GOLPH3: variants seen among roughly 807,000 people sequenced by gnomAD.
GOLPH3 encodes the protein golgi phosphoprotein 3.
GOLPH3 carries 14 observed loss-of-function variants against 28.5 expected under a neutral mutation model. That is an observed-to-expected ratio of 0.49 (90% CI 0.32 to 0.77). GOLPH3 has a LOEUF of 0.77. GOLPH3 is among the 30% of genes least tolerant of loss of function. The pLI, the probability that GOLPH3 is intolerant of heterozygous loss-of-function variation, is 0.03. For missense variants in GOLPH3, 350 were observed against 393.7 expected (o/e 0.89, Z 0.94); for synonymous variants, 158 against 159.2 (o/e 0.99, Z 0.06).
intron 1 of GOLPH3, among the ~76,000 whole-genome samples, chr5:32,158,234 C>A (rs1746499664): frequency 6.6e-6 from 1 of 151,028 alleles, no homozygotes; most frequent in African/African-American, 2.4e-5. Context: ...TATTTCAAAA[C>A]CCCATTCTCC....
chr5:32,136,184 A>C (rs1745927587), intron 2 of GOLPH3, among the ~76,000 whole-genome samples: 1 of 152,084 alleles, frequency 6.6e-6, no homozygotes, highest in African/African-American at 2.4e-5. Flanking sequence ...AAGAGAAAAG[A>C]AAAGCAAGCT....
chr5:32,157,418 A>G (rs1746454381), intron 1 of GOLPH3, among the ~76,000 whole-genome samples: 1 of 152,090 alleles, frequency 6.6e-6, no homozygotes, highest in Non-Finnish European at 1.5e-5. Flanking sequence ...CTTCGCAACA[A>G]CCTTCTGAAC....
At chr5:32,171,055 CA>C (rs1746823066) in intron 1 of GOLPH3, among the ~76,000 whole-genome samples, 1 of 152,146 alleles carries the variant, frequency 6.6e-6, no homozygotes, top group Non-Finnish European at 1.5e-5. Flanking sequence ...AATTACCCGC[CA>C]AATAACTTTA....
chr5:32,142,052 C>T (rs1363055774), intron 2 of GOLPH3, among the ~76,000 whole-genome samples: 3 of 151,514 alleles, frequency 2.0e-5, no homozygotes, highest in South Asian at 2.1e-4. Context: ...GGAGCGTCTC[C>T]GCCTGGCTGC....
intron 2 of GOLPH3, among the ~76,000 whole-genome samples, chr5:32,141,576 ACTCTCC>A (rs67157498): frequency 0.57 from 86,248 of 150,316 alleles, 25,742 homozygotes; most frequent in Admixed American, 0.67. Flanking sequence ...GCTGCAAATG[ACTCTCC>A]CTCTCCCTCT....
At chr5:32,149,058 T>C (rs577399805) in intron 1 of GOLPH3, among the ~76,000 whole-genome samples, 7 of 151,696 alleles carry the variant, frequency 4.6e-5, no homozygotes, top group Admixed American at 1.3e-4. Flanking sequence ...CCCTCCTGAG[T>C]ATCTGAACTT....
intron 1 of GOLPH3, among the ~76,000 whole-genome samples, chr5:32,156,688 AGGATCGC>A (rs1211048855): frequency 6.6e-6 from 1 of 152,132 alleles, no homozygotes; most frequent in Non-Finnish European, 1.5e-5. Context: ...AATTCTCATA[AGGATCGC>A]CTACCTTAGA....
chr5:32,129,204 CA>C lies in GOLPH3; in HGVS notation c.473-2569del, dbSNP rs1453783409. Among the ~76,000 whole-genome samples the C allele has an allele frequency of 1.6e-4, 25 of 151,888 alleles. No homozygotes were observed. The East Asian group carries it at 4.8e-3, about 29-fold the overall frequency. The stretch of plus-strand genomic sequence containing the variant: ...TCAAAAACAAAAACAAAAAAACCCC[CA>C]AAAAACAAAACCAAAAAAACCCTAG... On this transcript the variant is annotated intron_variant, in intron 3 of 3. Coordinates refer to ENST00000265070, the MANE Select transcript of GOLPH3 (RefSeq NM_022130.4).
intron 1 of GOLPH3, among the ~76,000 whole-genome samples, chr5:32,160,426 G>C (rs1746547065): frequency 6.6e-6 from 1 of 152,114 alleles, no homozygotes; most frequent in African/African-American, 2.4e-5. Flanking sequence ...ACTCTACTGA[G>C]TGCCAAGACA....
chr5:32,140,320 AAAGT>A (rs1293176510), intron 2 of GOLPH3, among the ~76,000 whole-genome samples: 1 of 152,144 alleles, frequency 6.6e-6, no homozygotes, highest in Non-Finnish European at 1.5e-5. Context: ...CCTGGGCAAT[AAAGT>A]AAGACCTTAT....
At chr5:32,162,890 A>G (rs1746620368) in intron 1 of GOLPH3, among the ~76,000 whole-genome samples, 1 of 152,168 alleles carries the variant, frequency 6.6e-6, no homozygotes. Flanking sequence ...TATACTGGCT[A>G]ACACAGTGAA....
chr5:32,147,285 T>C (rs946633762), intron 1 of GOLPH3, among the ~76,000 whole-genome samples: 3 of 152,230 alleles, frequency 2.0e-5, no homozygotes, highest in African/African-American at 7.2e-5. Flanking sequence ...TGAAGCATTT[T>C]AATTTACAGT....
intron 1 of GOLPH3, among the ~76,000 whole-genome samples, chr5:32,159,113 AC>A (rs1414528667): frequency 6.6e-6 from 1 of 152,052 alleles, no homozygotes; most frequent in Non-Finnish European, 1.5e-5. Flanking sequence ...GCCTTCCAAG[AC>A]CTGTTTATTT....
chr5:32,170,059 C>CA (rs1746796513), intron 1 of GOLPH3, among the ~76,000 whole-genome samples: 1 of 151,458 alleles, frequency 6.6e-6, no homozygotes, highest in African/African-American at 2.4e-5. Context: ...TTCTGTTCAG[C>CA]AAAAAAGAGA....
intron 1 of GOLPH3, among the ~76,000 whole-genome samples, chr5:32,152,649 G>T (rs1746333124): frequency 6.6e-6 from 1 of 151,486 alleles, no homozygotes; most frequent in South Asian, 2.1e-4. Flanking sequence ...GGGCGTGGTT[G>T]CATGTGCCTG....
In GOLPH3 at chr5:32,173,866, C is replaced by T; in HGVS notation, c.169G>A (p.Glu57Lys). 6.5e-7 allele frequency: 1 copy of T among 1,527,918 alleles called. No homozygotes were observed. The highest frequency in any genetic ancestry group is 1.2e-5 in the South Asian group (1 of 82,536). The allele number at this position is 1,527,918 out of a possible 1,614,324, so 94.6% of individuals were successfully genotyped here. ...TCCTCCATCAGGGTCAGCCGCGTTT[C>T]CTTGGAGTCGCCCTTGTCGTCGTCG... ...QDDDDKGDSK[E>K]TRLTLMEEVL... The change falls in exon 1 of 4, where the codon GAA becomes AAA. Residue 57 changes from glutamate to lysine, a missense_variant. Physicochemically the swap from Glu to Lys is moderately conservative, Grantham distance 56. Transcript: ENST00000265070.
At chr5:32,127,787 A>C (rs1415302062) in intron 3 of GOLPH3, among the ~76,000 whole-genome samples, 1 of 152,216 alleles carries the variant, frequency 6.6e-6, no homozygotes, top group Non-Finnish European at 1.5e-5. Flanking sequence ...TCATTCCTAA[A>C]GCTGCCCTCT....
At position 32,164,900 on chromosome 5, in the gene GOLPH3, C is replaced by CTTTT. The variant is rs760066281; in HGVS notation, c.225+8906_225+8909dup. On this transcript the variant is annotated intron_variant, in intron 1 of 3. Coordinates refer to ENST00000265070, the MANE Select transcript of GOLPH3 (RefSeq NM_022130.4). ...TACTTAATAAGGTAAATTATGTATT[C>CTTTT]TTTTTTTTTTTTTTTTTTTGAGATA... is the stretch of plus-strand genomic sequence containing the variant. Among the ~76,000 whole-genome samples, 287 of 119,778 alleles carry CTTTT rather than the reference C, an allele frequency of 2.4e-3. 11 individuals carry two copies. The highest frequency in any genetic ancestry group is 9.0e-3 in the African/African-American group (278 of 30,738). 78.6% of individuals were successfully genotyped at this position (119,778 alleles called of 152,430 possible). A position where few individuals can be genotyped will look rare whatever the true frequency, so the allele number is the denominator to read the frequency against.
In GOLPH3 at chr5:32,174,292, G is replaced by T. The variant is rs1172221282; in HGVS notation, c.-258C>A. 6 of 335,468 alleles carry T rather than the reference G, an allele frequency of 1.8e-5. No individual in the cohort carries two copies. The South Asian group carries it at 4.5e-4, about 25-fold the overall frequency. The allele number at this position is 335,468 out of a possible 1,614,324, so 20.8% of individuals were successfully genotyped here. A position where few individuals can be genotyped will look rare whatever the true frequency, so the allele number is the denominator to read the frequency against. On this transcript the variant is annotated 5_prime_UTR_variant, in exon 1 of 4. Coordinates refer to ENST00000265070, the MANE Select transcript of GOLPH3 (RefSeq NM_022130.4). ...CCCGAAACACCCCGAGCTCCAAGGC[G>T]GAGGCGGCGGCGGCGCCTTTCCAAT...
Sources: allele counts gnomAD v4.1 joint callset (sites outside exome capture counted in the v4.1 genomes callset), GRCh38; gene constraint gnomAD v4.1.1; transcripts MANE v1.5; gene names NCBI Gene and HGNC (gene_info 2026-07-23, HGNC 2026-07-21).